SLC2A7: variants seen among roughly 807,000 people sequenced by gnomAD.
The protein encoded by SLC2A7 is solute carrier family 2 member 7.
In SLC2A7, 50 loss-of-function variants were observed where a neutral mutation model predicts 50.5. The observed-to-expected ratio is 0.99, with a 90% CI of 0.79 to 1.25. The LOEUF is 1.25. SLC2A7 is among the 50% of genes most tolerant of loss of function. SLC2A7 has a pLI of 0.00. For missense variants in SLC2A7, 683 were observed against 679.1 expected, an observed-to-expected ratio of 1.01 and a Z score of -0.06; for synonymous variants, 308 against 300.4, an observed-to-expected ratio of 1.03 and a Z score of -0.26.
chr1:9,009,559 T>A (rs891054563), intron 9 of SLC2A7, among the ~76,000 whole-genome samples: 1 of 152,166 alleles, frequency 6.6e-6, no homozygotes, highest in African/African-American at 2.4e-5. Context: ...CAGGCTCAGG[T>A]GATCCTCCCA....
At chr1:9,019,364 G>A in intron 3 of SLC2A7, 31 bp from the exon 4 acceptor site, 1 of 1,611,936 alleles carries the variant, frequency 6.2e-7, no homozygotes, top group Non-Finnish European at 8.5e-7. Flanking sequence ...GAGGGCAGGG[G>A]TGCGTGGAGG....
downstream of SLC2A7, among the ~76,000 whole-genome samples, chr1:9,001,291 G>A (rs1640568583): frequency 6.6e-6 from 1 of 152,068 alleles, no homozygotes; most frequent in South Asian, 2.1e-4. Context: ...CAGAGGATTG[G>A]AAGTACTTGG....
chr1:9,024,500 GTCCC>G (rs973272086), intron 2 of SLC2A7, among the ~76,000 whole-genome samples: 4 of 152,190 alleles, frequency 2.6e-5, no homozygotes, highest in African/African-American at 9.7e-5. Context: ...AGCACAGGCT[GTCCC>G]TCCCTCCTTG....
downstream of SLC2A7, among the ~76,000 whole-genome samples, chr1:9,002,686 C>T (rs1040418829): frequency 2.6e-5 from 4 of 152,192 alleles, no homozygotes; most frequent in East Asian, 3.8e-4. Flanking sequence ...GTATGCTGAG[C>T]GCCGGTCCCC....
Position 9,007,330 on chromosome 1 carries a change from G to C in SLC2A7, c.1172C>G (p.Ala391Gly), listed in dbSNP as rs769352024. 7 of 1,614,078 alleles carry C rather than the reference G, an allele frequency of 4.3e-6. No individual in the cohort carries two copies. Among genetic ancestry groups the C allele is most frequent in the Non-Finnish European group, 5.9e-6 (7 of 1,180,030 alleles). The stretch of plus-strand genomic sequence containing the variant: ...CTCACTGGGCCCAATGGAATGTCCC[G>C]CGATGTAGGCAAAGACACAGATGAT... ...LGIICVFAYI[A>G]GHSIGPSPVP... is the part of the protein sequence containing the mutation. The change falls in exon 10 of 12, where the codon GCG becomes GGG. Residue 391 changes from alanine (A) to glycine (G), a missense_variant. Transcript: ENST00000400906.
chr1:9,004,171 CATAA>C (rs983813732), intron 11 of SLC2A7, among the ~76,000 whole-genome samples: 7 of 151,804 alleles, frequency 4.6e-5, no homozygotes, highest in African/African-American at 1.5e-4. Flanking sequence ...CCCTAAAATA[CATAA>C]ATAAATAAAT....
rs1348251882 is a variant in SLC2A7, at chr1:9,015,175, G to T, written c.657C>A (p.Phe219Leu). 6.2e-7 allele frequency: 1 copy of T among 1,612,760 alleles called. No homozygotes were observed. Among genetic ancestry groups the T allele is most frequent in the Non-Finnish European group, 8.5e-7 (1 of 1,179,688 alleles). The part of the protein sequence containing the change: ...ALLQLLTLPF[F>L]PESPRYSLIQ... ...TCAGGGAGTAGCGGGGGCTTTCGGG[G>T]AAGAAGGGCAGGGTCAGCAGCTGCA... Residue 219 changes from phenylalanine to leucine, a missense_variant, in exon 6 of 12, where the codon TTC becomes TTA. By Grantham distance (22) the Phe-to-Leu change is conservative. Transcript: ENST00000400906.
chr1:9,003,620 G>A, intron 11 of SLC2A7, 102 bp from the exon 12 acceptor site: 2 of 983,728 alleles, frequency 2.0e-6, no homozygotes, highest in Non-Finnish European at 1.5e-6. Flanking sequence ...CACTTTGGGA[G>A]GCCAAGACAG....
At chr1:9,001,956 A>G (rs1640581098), downstream of SLC2A7, among the ~76,000 whole-genome samples, 1 of 152,104 alleles carries the variant, frequency 6.6e-6, no homozygotes, top group Admixed American at 6.5e-5. Context: ...CCTAGCCCCA[A>G]CCCTGTGCTC....
chr1:8,992,552 G>A, the SLC2A7 span, among the ~76,000 whole-genome samples: 16 of 148,192 alleles, frequency 1.1e-4, no homozygotes, highest in South Asian at 8.6e-4. Flanking sequence ...TTTCTTTTTT[G>A]TGCTCATTAA....
chr1:9,021,000 C>T (rs547784810), intron 3 of SLC2A7, among the ~76,000 whole-genome samples: 54 of 152,258 alleles, frequency 3.5e-4, no homozygotes, highest in Admixed American at 3.3e-3. Flanking sequence ...TTCCCAGCCA[C>T]GTGGAACTGT....
chr1:9,010,052 C>G lies in SLC2A7; in HGVS notation c.1116+91G>C, dbSNP rs1268594152. On this transcript the variant is annotated intron_variant, in intron 9 of 11. Transcript: ENST00000400906. ...GCATGCCATCAGTGGGACTCAGAAC[C>G]AACCACTTGGTGCAGCGGGCCCGGT... The G allele has an allele frequency of 9.4e-6, 12 of 1,270,244 alleles. No individual in the cohort carries two copies. In the Admixed American group the frequency reaches 2.0e-4, roughly 22 times the overall value. The allele number at this position is 1,270,244 out of a possible 1,614,324, so 78.7% of individuals were successfully genotyped here. A position where few individuals can be genotyped will look rare whatever the true frequency, so the allele number is the denominator to read the frequency against.
downstream of SLC2A7, among the ~76,000 whole-genome samples, chr1:9,002,423 C>T (rs1269770863): frequency 1.3e-5 from 2 of 152,138 alleles, no homozygotes; most frequent in African/African-American, 2.4e-5. Context: ...GACATGCTGG[C>T]GGCAATACTG....
At chr1:9,010,380 C>T (rs529927761) in intron 8 of SLC2A7, 136 bp from the exon 9 acceptor site, 24 of 696,234 alleles carry the variant, frequency 3.4e-5, no homozygotes, top group Admixed American at 2.5e-4. Context: ...TTTTTTTAAA[C>T]GGAGTTTTGC....
downstream of SLC2A7, among the ~76,000 whole-genome samples, chr1:9,002,731 G>GTGTCTTATT (rs1288941335): frequency 6.6e-6 from 1 of 152,218 alleles, no homozygotes; most frequent in Non-Finnish European, 1.5e-5. Flanking sequence ...CTTTGTCTCT[G>GTGTCTTATT]TGTCTTATTT....
At chr1:9,025,171 G>C in intron 1 of SLC2A7, 97 bp from the exon 2 acceptor site, 1 of 1,219,818 alleles carries the variant, frequency 8.2e-7, no homozygotes, top group Admixed American at 2.0e-5. Flanking sequence ...GGCTGGAAGT[G>C]GGGGATGGGG....
At chr1:9,022,880 C>T (rs1640932255) in intron 3 of SLC2A7, 38 bp downstream of exon 3, 1 of 1,606,518 alleles carries the variant, frequency 6.2e-7, no homozygotes, top group African/African-American at 1.3e-5. Context: ...GGCTTACTAG[C>T]ATGAATTTTA....
chr1:9,019,392 A>T, intron 3 of SLC2A7, 59 bp from the exon 4 acceptor site: 1 of 1,598,588 alleles, frequency 6.3e-7, no homozygotes, highest in Non-Finnish European at 8.5e-7. Flanking sequence ...AGCCCTCCCA[A>T]CACCAGCTCC....
At chr1:9,024,946 C>A (rs545176593) in intron 2 of SLC2A7, 30 bp downstream of exon 2, 1 of 1,579,078 alleles carries the variant, frequency 6.3e-7, no homozygotes, top group Non-Finnish European at 8.6e-7. Flanking sequence ...AGCTGCTGCC[C>A]GGCCCACCTT....
Sources: gnomAD v4.1 joint callset for allele counts (sites outside exome capture counted in the v4.1 genomes callset) on GRCh38, gnomAD v4.1.1 for gene constraint, MANE v1.5 for transcripts, NCBI Gene and HGNC (gene_info 2026-07-23, HGNC 2026-07-21) for gene names.